The following HTT variants were observed in gnomAD, a reference collection of about 807,000 sequenced individuals.
HTT encodes the protein huntington disease protein.
A neutral mutation model predicts 362.3 loss-of-function variants in HTT; 104 were observed. That is an observed-to-expected ratio of 0.29 (90% CI 0.24 to 0.34). HTT has a LOEUF of 0.34. Among genes scored for constraint, HTT ranks in the 10% least tolerant of loss-of-function variants. HTT has a pLI of 1.00. For missense variants in HTT, 3,301 were observed against 3,928.6 expected (o/e 0.84, Z 4.27); for synonymous variants, 1,577 against 1,548.7 (o/e 1.02, Z -0.43).
intron 2 of HTT, among the ~76,000 whole-genome samples, chr4:3,092,274 G>A (rs1336220363): frequency 1.3e-5 from 2 of 152,084 alleles, no homozygotes; most frequent in Non-Finnish European, 2.9e-5. Context: ...CGCGCCCCTC[G>A]GCCTCCCAGT....
At chr4:3,160,971 T>C (rs1465368782) in intron 29 of HTT, among the ~76,000 whole-genome samples, 2 of 152,216 alleles carry the variant, frequency 1.3e-5, no homozygotes, top group East Asian at 1.9e-4. Flanking sequence ...GTGCAGAATG[T>C]GCAGTTTTGT....
chr4:3,141,150 T>C (rs770204939), intron 22 of HTT, among the ~76,000 whole-genome samples: 1 of 152,244 alleles, frequency 6.6e-6, no homozygotes, highest in Non-Finnish European at 1.5e-5. Context: ...CCCATTCTTA[T>C]CTGCTTCTTA....
At chr4:3,236,120 A>C (rs1721516815) in intron 63 of HTT, 29 bp from the exon 64 acceptor site, 1 of 1,517,642 alleles carries the variant, frequency 6.6e-7, no homozygotes, top group East Asian at 2.3e-5. Context: ...GTATAGAGGT[A>C]ACCTTCGTAC....
chr4:3,120,255 T>C (rs1715230618), intron 8 of HTT, among the ~76,000 whole-genome samples: 2 of 152,196 alleles, frequency 1.3e-5, no homozygotes, highest in Non-Finnish European at 2.9e-5. Flanking sequence ...TATGAGTAAT[T>C]TTATGGTGTA....
At chr4:3,172,291 C>G in intron 29 of HTT, 29 bp from the exon 30 acceptor site, 1 of 1,257,238 alleles carries the variant, frequency 8.0e-7, no homozygotes, top group Non-Finnish European at 1.2e-6. Context: ...ATCTCTGAGT[C>G]GCTTAATGTC....
chr4:3,228,241 G>A lies in HTT; in HGVS notation c.7849-374G>A, dbSNP rs773768904. ...TGGCCTTGGGTTTACCGCAATGACT[G>A]CCAGTGCGGGAGACTGGAAAAGGAA... On this transcript the variant is annotated intron_variant, in intron 57 of 66. Transcript: ENST00000355072. This position sits in a 1 kb window ranked among gnomAD's most constrained non-coding sequence, Gnocchi z 4.3. 1.3e-5 allele frequency among the ~76,000 whole-genome samples: 2 copies of A among 152,218 alleles called. No individual in the cohort carries two copies. Among genetic ancestry groups the A allele is most frequent in the Non-Finnish European group, 1.5e-5 (1 of 68,034 alleles).
Position 3,240,137 on chromosome 4 carries a change from C to T in HTT, c.*78C>T. ...AGTCTGCGCCCTTGTGCCCTGCCTC[C>T]ACCGAGCCAGCTTGGTCCCTATGGG... On this transcript the variant is annotated 3_prime_UTR_variant, in exon 67 of 67. Coordinates refer to ENST00000355072, the MANE Select transcript of HTT (RefSeq NM_001388492.1). 7.8e-7 allele frequency: 1 copy of T among 1,279,618 alleles called. No homozygotes were observed. The highest frequency in any genetic ancestry group is 1.3e-5 in the South Asian group (1 of 75,478). The allele number at this position is 1,279,618 out of a possible 1,614,324, so 79.3% of individuals were successfully genotyped here.
chr4:3,107,979 C>T (rs1249512055), intron 6 of HTT, among the ~76,000 whole-genome samples: 2 of 152,182 alleles, frequency 1.3e-5, no homozygotes, highest in African/African-American at 4.8e-5. Context: ...AGTGACCCTC[C>T]TGGGAGGTGA....
chr4:3,215,221 A>C lies in HTT; in HGVS notation c.7054+10A>C, dbSNP rs746759998. The C allele has an allele frequency of 4.5e-5, 72 of 1,594,726 alleles. No individual in the cohort carries two copies. Among genetic ancestry groups the C allele is most frequent in the South Asian group, 1.5e-4 (14 of 90,360 alleles). ...GATCCAAACACACAGAGTAAGTCTCAGGACCCATTTTTTTCTTACATGTTG... is the reference window on the plus strand; with the variant it reads ...GATCCAAACACACAGAGTAAGTCTCCGGACCCATTTTTTTCTTACATGTTG... On this transcript the variant is annotated intron_variant, in intron 51 of 66. Transcript: ENST00000355072.
intron 57 of HTT, among the ~76,000 whole-genome samples, chr4:3,227,091 G>T (rs146623302): frequency 6.6e-6 from 1 of 152,336 alleles, no homozygotes; most frequent in Non-Finnish European, 1.5e-5. Context: ...ACTGGTCTGT[G>T]CCCGAGGTAT....
chr4:3,187,826 C>G lies in HTT; in HGVS notation c.5165C>G (p.Thr1722Arg). 5.0e-6 allele frequency: 8 copies of G among 1,613,246 alleles called. No individual in the cohort carries two copies. The highest frequency in any genetic ancestry group is 6.8e-6 in the Non-Finnish European group (8 of 1,179,252). ...NRLRDGDSTS[T>R]LEEHSEGKQI... ...TTAAGAGATGGGGACAGTACTTCAA[C>G]GCTAGAAGAACACAGTGAAGGGAAA... The change falls in exon 39 of 67, where the codon ACG becomes AGG. Residue 1722 changes from threonine (T) to arginine (R), a missense_variant. Thr to Arg is a moderately conservative substitution (Grantham distance 71). Around this residue, in one of 4 missense-constraint regions of HTT, gnomAD observed 2,316 missense variants for 2,658.5 expected, o/e 0.87. Coordinates refer to ENST00000355072, the MANE Select transcript of HTT (RefSeq NM_001388492.1).
chr4:3,111,132 C>T (rs1238323648), intron 6 of HTT, among the ~76,000 whole-genome samples: 3 of 152,028 alleles, frequency 2.0e-5, no homozygotes, highest in Non-Finnish European at 2.9e-5. Context: ...GCTGTTCTGC[C>T]TCACCCTCCC....
rs1257307480 is a variant in HTT at position 3,099,938 on chromosome 4, CTTGTATGGTTTGGAGGTGCTCTA to C, written c.468+560_468+582del. 4.6e-4 allele frequency among the ~76,000 whole-genome samples: 68 copies of C among 149,228 alleles called. 2 individuals carry two copies. In the East Asian group the frequency reaches 0.012, roughly 26 times the overall value. ...CTCTGTTGTATGGTTTGGAGGTGCT[CTTGTATGGTTTGGAGGTGCTCTA>C]TTGTATGGTTTGGAGATGCTCTGGT... On this transcript the variant is annotated intron_variant, in intron 3 of 66. Coordinates refer to ENST00000355072, the MANE Select transcript of HTT (RefSeq NM_001388492.1).
At chr4:3,092,215 G>A (rs1262317985) in intron 2 of HTT, among the ~76,000 whole-genome samples, 5 of 151,968 alleles carry the variant, frequency 3.3e-5, no homozygotes, top group Admixed American at 3.3e-4. Flanking sequence ...GTAGAGATGG[G>A]GTTTCACTGT....
intron 33 of HTT, among the ~76,000 whole-genome samples, chr4:3,176,026 T>TTTGG (rs796511136): frequency 2.6e-5 from 3 of 117,312 alleles, no homozygotes; most frequent in African/African-American, 1.3e-4. Flanking sequence ...TTGTTGTTTG[T>TTTGG]TTTTTTTTGT....
chr4:3,213,399 G>A (rs1163356693), intron 49 of HTT, among the ~76,000 whole-genome samples: 1 of 152,234 alleles, frequency 6.6e-6, no homozygotes, highest in African/African-American at 2.4e-5. Context: ...TTATGTGCCT[G>A]CTGTATGCAG....
Position 3,235,600 on chromosome 4 carries a change from CA to C in HTT, c.8608del (p.Thr2870ProfsTer33). The C allele has an allele frequency of 6.2e-7, 1 of 1,613,836 alleles. No individual in the cohort carries two copies. Among genetic ancestry groups the C allele is most frequent in the Non-Finnish European group, 8.5e-7 (1 of 1,180,008 alleles). ...TGATGCTGTCTGGAAGTGAGGAGTCCACCCCCTCCATCATTTACCACTGTGC... is the reference window on the plus strand; with the variant it reads ...TGATGCTGTCTGGAAGTGAGGAGTCCCCCCCTCCATCATTTACCACTGTGC... Reference protein sequence around the residue: ...GVMLSGSEESTPSIIYHCALR... With the variant: ...GVMLSGSEESXPSIIYHCALR... On this transcript the variant is annotated frameshift_variant, in exon 63 of 67. Coordinates refer to ENST00000355072, the MANE Select transcript of HTT (RefSeq NM_001388492.1). LOFTEE classifies it high-confidence loss of function.
chr4:3,100,328 T>TA (rs1161785464), intron 3 of HTT, among the ~76,000 whole-genome samples: 2 of 152,262 alleles, frequency 1.3e-5, no homozygotes, highest in African/African-American at 4.8e-5. Context: ...CTTACACTCT[T>TA]ACCCAGCAAG....
chr4:3,204,812 G>T (rs1014151558), intron 42 of HTT, among the ~76,000 whole-genome samples: 1 of 152,018 alleles, frequency 6.6e-6, no homozygotes, highest in Admixed American at 6.6e-5. Flanking sequence ...ACCAAAAAAA[G>T]AAAGAGAGGA....
Sources: allele counts gnomAD v4.1 joint callset (sites outside exome capture counted in the v4.1 genomes callset), GRCh38; gene constraint gnomAD v4.1.1; regional missense constraint gnomAD v4.1.1; non-coding constraint Gnocchi (gnomAD v3.1); transcripts MANE v1.5; gene names NCBI Gene and HGNC (gene_info 2026-07-23, HGNC 2026-07-21).